SMYD3: variants seen among roughly 807,000 people sequenced by gnomAD.
SMYD3 encodes the protein histone-lysine N-methyltransferase SMYD3.
Under a neutral mutation model 57.7 loss-of-function variants are expected in SMYD3, and 36 were observed. That is an observed-to-expected ratio of 0.62 (90% CI 0.48 to 0.82). The LOEUF (loss-of-function observed/expected upper bound fraction) is 0.82. SMYD3 is among the 40% of genes least tolerant of loss of function. SMYD3 has a pLI of 0.00. For synonymous variants in SMYD3, 211 were observed against 195.0 expected, an observed-to-expected ratio of 1.08 and a Z score of -0.68; for missense variants, 515 against 538.8, an observed-to-expected ratio of 0.96 and a Z score of 0.44.
chr1:245,954,285 A>T (rs964167605), intron 5 of SMYD3, among the ~76,000 whole-genome samples: 1 of 152,200 alleles, frequency 6.6e-6, no homozygotes, highest in African/African-American at 2.4e-5. Context: ...TCCTGAGTCA[A>T]TATGGCAATT....
chr1:246,129,628 A>C (rs2061558840), intron 5 of SMYD3, among the ~76,000 whole-genome samples: 1 of 152,194 alleles, frequency 6.6e-6, no homozygotes, highest in South Asian at 2.1e-4. Context: ...TTGCCATTTA[A>C]TCAAACCTGA....
chr1:246,391,441 A>G (rs199762456), intron 1 of SMYD3, among the ~76,000 whole-genome samples: 3 of 129,934 alleles, frequency 2.3e-5, no homozygotes, highest in South Asian at 6.0e-4. Context: ...AGAGAGAGAG[A>G]AGGAGAGAGG....
chr1:245,793,097 C>A (rs536842938), intron 10 of SMYD3, among the ~76,000 whole-genome samples: 1 of 77,354 alleles, frequency 1.3e-5, no homozygotes, highest in South Asian at 4.5e-4. Flanking sequence ...ATCACGAAAT[C>A]AGGAGATCAA....
chr1:245,913,250 A>G (rs2055136118), intron 8 of SMYD3, among the ~76,000 whole-genome samples: 2 of 152,144 alleles, frequency 1.3e-5, no homozygotes, highest in East Asian at 3.9e-4. Context: ...TTCTCAGCAA[A>G]CTATCGCAAG....
At chr1:246,454,150 T>G (rs1304733456) in intron 1 of SMYD3, among the ~76,000 whole-genome samples, 1 of 152,162 alleles carries the variant, frequency 6.6e-6, no homozygotes, top group African/African-American at 2.4e-5. Flanking sequence ...ACCAAGATTC[T>G]CTGTAGGAAA....
intron 8 of SMYD3, among the ~76,000 whole-genome samples, chr1:245,910,723 A>G (rs1035949329): frequency 6.6e-6 from 1 of 152,044 alleles, no homozygotes; most frequent in Non-Finnish European, 1.5e-5. Context: ...CTAGACCCCT[A>G]TCTCTCCCCA....
At chr1:246,042,862 G>A (rs1376427267) in intron 5 of SMYD3, among the ~76,000 whole-genome samples, 1 of 152,118 alleles carries the variant, frequency 6.6e-6, no homozygotes, top group South Asian at 2.1e-4. Context: ...TCTCTGCTAT[G>A]TTTTTTACTG....
At chr1:246,081,516 C>A (rs2147840111) in intron 5 of SMYD3, among the ~76,000 whole-genome samples, 1 of 152,154 alleles carries the variant, frequency 6.6e-6, no homozygotes, top group East Asian at 1.9e-4. Context: ...CCTCAGCCTC[C>A]TGAGCAGCTG....
At chr1:246,444,611 CT>C (rs1252491723) in intron 1 of SMYD3, among the ~76,000 whole-genome samples, 1 of 152,186 alleles carries the variant, frequency 6.6e-6, no homozygotes, top group Non-Finnish European at 1.5e-5. Context: ...CACAGGTGCT[CT>C]CAGGCAACCA....
At chr1:245,844,564 G>A (rs940738457) in intron 10 of SMYD3, among the ~76,000 whole-genome samples, 6 of 151,046 alleles carry the variant, frequency 4.0e-5, no homozygotes, top group Non-Finnish European at 8.8e-5. Flanking sequence ...ATCAGGATCC[G>A]GTTTTCCTCT....
At chr1:245,843,550 G>A (rs796281998) in intron 10 of SMYD3, among the ~76,000 whole-genome samples, 32,620 of 98,024 alleles carry the variant, frequency 0.33, 4,072 homozygotes, top group East Asian at 0.62. Context: ...ATGTGTGTGT[G>A]TGTGTGTGTG....
chr1:246,239,108 T>A (rs1210940554), intron 5 of SMYD3, among the ~76,000 whole-genome samples: 1 of 152,130 alleles, frequency 6.6e-6, no homozygotes, highest in Non-Finnish European at 1.5e-5. Flanking sequence ...TATGATTTTT[T>A]AAATTATACT....
intron 10 of SMYD3, among the ~76,000 whole-genome samples, chr1:245,810,770 ACGC>A (rs2048421044): frequency 8.5e-5 from 1 of 11,764 alleles, no homozygotes; most frequent in African/African-American, 1.0e-4. Context: ...GCAGAGAAAG[ACGC>A]ACTTTTCAAA....
chr1:246,059,421 C>A (rs2060211857), intron 5 of SMYD3, among the ~76,000 whole-genome samples: 1 of 152,098 alleles, frequency 6.6e-6, no homozygotes, highest in African/African-American at 2.4e-5. Flanking sequence ...ATCCATTGTT[C>A]TGAAAAACTG....
At chr1:245,813,762 G>A (rs1478934612) in intron 10 of SMYD3, among the ~76,000 whole-genome samples, 1 of 152,082 alleles carries the variant, frequency 6.6e-6, no homozygotes, top group Non-Finnish European at 1.5e-5. Flanking sequence ...GACTAGTGGA[G>A]GAGCTGCCCT....
chr1:245,859,518 A>C (rs567640279), intron 9 of SMYD3, among the ~76,000 whole-genome samples: 1 of 152,340 alleles, frequency 6.6e-6, no homozygotes, highest in East Asian at 1.9e-4. Flanking sequence ...AGAGGCAGTC[A>C]GAGGACTGAG....
In SMYD3 at chr1:246,204,629, A is replaced by G. The variant is rs188685016; in HGVS notation, c.531+122572T>C. On this transcript the variant is annotated intron_variant, in intron 5 of 11. Transcript: ENST00000490107. ...GATTCTGGACCATCATGTCACATAT[A>G]TACTCTTACATGGCACGACAGCTTA... is the stretch of plus-strand genomic sequence containing the variant. Among the ~76,000 whole-genome samples the G allele has an allele frequency of 1.8e-3, 280 of 152,336 alleles. 2 individuals are homozygous for G. The highest frequency in any genetic ancestry group is 7.2e-4 in the Non-Finnish European group (49 of 68,038).
At chr1:246,211,992 C>T (rs2063096462) in intron 5 of SMYD3, among the ~76,000 whole-genome samples, 1 of 150,500 alleles carries the variant, frequency 6.6e-6, no homozygotes. Flanking sequence ...TTAGTAACAA[C>T]AAATATTCCA....
At chr1:246,268,878 G>T (rs970232063) in intron 5 of SMYD3, among the ~76,000 whole-genome samples, 1 of 152,068 alleles carries the variant, frequency 6.6e-6, no homozygotes, top group Admixed American at 6.5e-5. Context: ...TCTCGCGCCA[G>T]ATCCAAGAGC....
Sources: gnomAD v4.1 joint callset for allele counts (sites outside exome capture counted in the v4.1 genomes callset) on GRCh38, gnomAD v4.1.1 for gene constraint, MANE v1.5 for transcripts, NCBI Gene and HGNC (gene_info 2026-07-23, HGNC 2026-07-21) for gene names.